The following MGST1 variants were observed in gnomAD, a reference collection of about 807,000 sequenced individuals.
The protein encoded by MGST1 is microsomal glutathione S-transferase 1.
A neutral mutation model predicts 8.9 loss-of-function variants in MGST1; 5 were observed. That is an observed-to-expected ratio of 0.56 (90% CI 0.29 to 1.19). The LOEUF (loss-of-function observed/expected upper bound fraction) is 1.19. Ranked by LOEUF, MGST1 falls within the 50% of genes most tolerant of loss-of-function variation. The probability of loss-of-function intolerance (pLI) is 0.08; values close to 1 mark genes in which losing one functional copy is unlikely to be tolerated. For synonymous variants in MGST1, 54 were observed against 67.8 expected (o/e 0.80, Z 1.00); for missense variants, 182 against 187.4 (o/e 0.97, Z 0.17).
chr12:16,518,714 G>A (rs533497056), intron 4 of MGST1, among the ~76,000 whole-genome samples: 191 of 152,166 alleles, frequency 1.3e-3, no homozygotes, highest in Non-Finnish European at 2.0e-3. Flanking sequence ...AACAATTATC[G>A]GTTTTGTTTT....
chr12:16,411,733 C>A (rs1000979756), intron 1 of MGST1, among the ~76,000 whole-genome samples: 1 of 152,064 alleles, frequency 6.6e-6, no homozygotes, highest in Non-Finnish European at 1.5e-5. Flanking sequence ...ATGATGTATT[C>A]TCTATGATAA....
chr12:16,568,979 C>G (rs1942716772), intron 4 of MGST1, among the ~76,000 whole-genome samples: 1 of 152,138 alleles, frequency 6.6e-6, no homozygotes, highest in Non-Finnish European at 1.5e-5. Flanking sequence ...AATATGTATG[C>G]TAATAGTGTG....
chr12:16,506,038 C>T (rs776864419), intron 4 of MGST1, among the ~76,000 whole-genome samples: 3 of 152,116 alleles, frequency 2.0e-5, no homozygotes, highest in Non-Finnish European at 4.4e-5. Context: ...AAATGATTAG[C>T]TCCAATTATT....
At chr12:16,478,551 T>G (rs538212070) in intron 4 of MGST1, among the ~76,000 whole-genome samples, 1 of 152,130 alleles carries the variant, frequency 6.6e-6, no homozygotes, top group Middle Eastern at 3.2e-3. Flanking sequence ...ATATTTTTTA[T>G]GTTATTTAAT....
chr12:16,463,608 A>G (rs1190236239), intron 4 of MGST1, among the ~76,000 whole-genome samples: 1 of 2,118 alleles, frequency 4.7e-4, no homozygotes, highest in Non-Finnish European at 3.7e-3. Context: ...GAAGAAAAGG[A>G]AGAAAAAAAA....
intron 4 of MGST1, among the ~76,000 whole-genome samples, chr12:16,493,134 G>A (rs1406764899): frequency 6.6e-6 from 1 of 152,120 alleles, no homozygotes; most frequent in Non-Finnish European, 1.5e-5. Context: ...ACATGATTAT[G>A]GTTGTGCCAG....
chr12:16,447,444 G>A (rs1373592474), intron 4 of MGST1, among the ~76,000 whole-genome samples: 1 of 151,922 alleles, frequency 6.6e-6, no homozygotes, highest in Non-Finnish European at 1.5e-5. Flanking sequence ...TTGTGGGAGA[G>A]AGGACTCTGC....
chr12:16,395,792 T>TAC (rs1371254759), intron 1 of MGST1, among the ~76,000 whole-genome samples: 5,155 of 124,518 alleles, frequency 0.041, 379 homozygotes, highest in African/African-American at 0.15. Flanking sequence ...TATATATATA[T>TAC]ATATATATAT....
At position 16,480,143 on chromosome 12, in the gene MGST1, T is replaced by TA. The variant is rs1491464503; in HGVS notation, n.482+96539_482+96540insA. ...TCATTAAAATAAAATAAAAATTTGCTTTTTTTTTTTTTTTTTTGAGACGGA... is the reference window on the plus strand; with the variant it reads ...TCATTAAAATAAAATAAAAATTTGCTATTTTTTTTTTTTTTTTTGAGACGGA... On this transcript the variant is annotated intron_variant and non_coding_transcript_variant, in intron 4 of 4. Coordinates refer to the MGST1 transcript ENST00000538857. 5.1e-5 allele frequency among the ~76,000 whole-genome samples: 6 copies of TA among 116,772 alleles called. No individual in the cohort carries two copies. In the East Asian group the frequency reaches 1.9e-3, roughly 38 times the overall value. The allele number at this position is 116,772 out of a possible 152,430, so 76.6% of individuals were successfully genotyped here.
chr12:16,496,110 T>G (rs1432640252), intron 4 of MGST1, among the ~76,000 whole-genome samples: 1 of 152,116 alleles, frequency 6.6e-6, no homozygotes, highest in Admixed American at 6.6e-5. Context: ...CCAAATCAAA[T>G]ATATACTCAC....
intron 4 of MGST1, among the ~76,000 whole-genome samples, chr12:16,476,844 G>C (rs971377995): frequency 5.3e-5 from 8 of 152,178 alleles, no homozygotes; most frequent in African/African-American, 1.9e-4. Flanking sequence ...CTGAAATAAG[G>C]TGAGAAAGAA....
chr12:16,476,948 A>G (rs1222731967), intron 4 of MGST1, among the ~76,000 whole-genome samples: 1 of 152,200 alleles, frequency 6.6e-6, no homozygotes, highest in Non-Finnish European at 1.5e-5. Flanking sequence ...TATAATCTTG[A>G]GCCAATCAGT....
At chr12:16,465,160 G>A (rs536796769) in intron 4 of MGST1, among the ~76,000 whole-genome samples, 1 of 152,310 alleles carries the variant, frequency 6.6e-6, no homozygotes, top group East Asian at 1.9e-4. Flanking sequence ...TATGGTTTGT[G>A]CTTGTACAGG....
At chr12:16,590,616 C>T (rs917168070), downstream of MGST1, among the ~76,000 whole-genome samples, 5 of 151,538 alleles carry the variant, frequency 3.3e-5, no homozygotes, top group African/African-American at 9.7e-5. Context: ...AAAAAAAAAT[C>T]GGTATCATTG....
In MGST1 at chr12:16,555,099, G is replaced by A. The variant is rs1366968623; in HGVS notation, n.483-34429G>A. On this transcript the variant is annotated intron_variant and non_coding_transcript_variant, in intron 4 of 4. Transcript: ENST00000538857. The surrounding 1 kb of genome is among the most constrained non-coding windows in gnomAD (Gnocchi z 5.5). Reference sequence around the variant, plus strand: ...TTATGGGATATTTTGAGTATTAAACGAATGAGTACATGTAAAACACTCAGA... The same window carrying A: ...TTATGGGATATTTTGAGTATTAAACAAATGAGTACATGTAAAACACTCAGA... Among the ~76,000 whole-genome samples the A allele has an allele frequency of 1.3e-5, 2 of 152,184 alleles. No individual in the cohort carries two copies. The highest frequency in any genetic ancestry group is 2.9e-5 in the Non-Finnish European group (2 of 68,034).
chr12:16,509,218 A>C lies in MGST1; in HGVS notation n.483-80310A>C, dbSNP rs116996301. The stretch of plus-strand genomic sequence containing the variant: ...ATGCCTTAAGACAGTGTTAATAATG[A>C]AATATAACATAGTTAATTATTATGA... On this transcript the variant is annotated intron_variant and non_coding_transcript_variant, in intron 4 of 4. Transcript: ENST00000538857. Among the ~76,000 whole-genome samples the C allele has an allele frequency of 1.3e-3, 204 of 152,316 alleles. 3 individuals carry two copies. The East Asian group carries it at 0.033, about 25-fold the overall frequency.
intron 4 of MGST1, among the ~76,000 whole-genome samples, chr12:16,509,184 GT>G (rs946716980): frequency 6.6e-6 from 1 of 152,136 alleles, no homozygotes; most frequent in East Asian, 1.9e-4. Context: ...AATATTGCCA[GT>G]TTTTTTAATG....
chr12:16,479,495 A>G (rs958442664), intron 4 of MGST1, among the ~76,000 whole-genome samples: 2 of 149,732 alleles, frequency 1.3e-5, no homozygotes, highest in African/African-American at 4.9e-5. Flanking sequence ...CAGCCTCCCA[A>G]AGTGCTGGGA....
At chr12:16,411,155 A>C (rs935380895) in intron 1 of MGST1, among the ~76,000 whole-genome samples, 2 of 152,050 alleles carry the variant, frequency 1.3e-5, no homozygotes, top group African/African-American at 4.8e-5. Flanking sequence ...TCGCAGCTGT[A>C]ATTGTATATG....
Sources: gnomAD v4.1 joint callset for allele counts (sites outside exome capture counted in the v4.1 genomes callset) on GRCh38, gnomAD v4.1.1 for gene constraint, Gnocchi (gnomAD v3.1) non-coding constraint, MANE v1.5 for transcripts, NCBI Gene and HGNC (gene_info 2026-07-23, HGNC 2026-07-21) for gene names.